The following RBPMS variants were observed in gnomAD, a reference collection of about 807,000 sequenced individuals.
The protein encoded by RBPMS is RNA-binding protein with multiple splicing.
In RBPMS, 7 loss-of-function variants were observed where a neutral mutation model predicts 26.8. The observed-to-expected ratio is 0.26, with a 90% CI of 0.15 to 0.49. The LOEUF (loss-of-function observed/expected upper bound fraction) is 0.49. Ranked by LOEUF, RBPMS falls within the 20% of genes least tolerant of loss-of-function variation. The pLI is 0.98. For missense variants in RBPMS, 186 were observed against 250.0 expected (o/e 0.74, Z 1.73); for synonymous variants, 96 against 93.3 (o/e 1.03, Z -0.17).
At chr8:30,446,815 G>C (rs1472442427) in intron 1 of RBPMS, 1 of 94,046 alleles carries the variant, frequency 1.1e-5, no homozygotes, top group Non-Finnish European at 2.0e-5. Flanking sequence ...GTGTGTGTGT[G>C]TGTGTGTGTG....
chr8:30,420,650 A>T (rs1317672463), intron 1 of RBPMS, among the ~76,000 whole-genome samples: 2 of 152,216 alleles, frequency 1.3e-5, no homozygotes, highest in African/African-American at 4.8e-5. Flanking sequence ...AATGTTGTAG[A>T]CTTTATCGGG....
intron 6 of RBPMS, among the ~76,000 whole-genome samples, chr8:30,551,719 T>G (rs971194637): frequency 6.6e-6 from 1 of 152,184 alleles, no homozygotes; most frequent in African/African-American, 2.4e-5. Flanking sequence ...ACTGTCACAG[T>G]CGGGTGCTGC....
intron 1 of RBPMS, among the ~76,000 whole-genome samples, chr8:30,472,744 C>T (rs1307793090): frequency 6.6e-6 from 1 of 152,120 alleles, no homozygotes; most frequent in East Asian, 1.9e-4. Context: ...CTTGGTGATT[C>T]GCACTTCTGT....
intron 6 of RBPMS, chr8:30,556,816 TCCCCACCTCTG>T (rs1826966517): frequency 1.0e-6 from 1 of 981,176 alleles, no homozygotes. Flanking sequence ...TTCTTTCTTC[TCCCCACCTCTG>T]CCCTCCCTCT....
chr8:30,484,472 G>GT (rs1818586660), intron 4 of RBPMS, among the ~76,000 whole-genome samples: 1 of 152,124 alleles, frequency 6.6e-6, no homozygotes, highest in Non-Finnish European at 1.5e-5. Flanking sequence ...TGAAGGAAAG[G>GT]TATTTTCTCA....
chr8:30,518,692 T>TTTTTTTTTTTC (rs2150978315), intron 5 of RBPMS, among the ~76,000 whole-genome samples: 1 of 113,168 alleles, frequency 8.8e-6, no homozygotes, highest in Non-Finnish European at 1.8e-5. Context: ...CATGACTTTT[T>TTTTTTTTTTTC]TTTTTTTTTT....
intron 5 of RBPMS, among the ~76,000 whole-genome samples, chr8:30,517,983 A>C: frequency 6.6e-6 from 1 of 152,214 alleles, no homozygotes; most frequent in Non-Finnish European, 1.5e-5. Context: ...CCCAGAAGGA[A>C]ACAGAAAGCA....
chr8:30,479,256 C>T, intron 3 of RBPMS, 59 bp from the exon 4 acceptor site: 1 of 1,256,054 alleles, frequency 8.0e-7, no homozygotes, highest in Admixed American at 1.7e-5. Flanking sequence ...TCACCCTTGA[C>T]CTAGAAAAGT....
chr8:30,457,856 G>A (rs193115585), intron 1 of RBPMS, among the ~76,000 whole-genome samples: 6 of 152,146 alleles, frequency 3.9e-5, no homozygotes, highest in Non-Finnish European at 8.8e-5. Context: ...GATTACAGGC[G>A]TGAGCCACCG....
At chr8:30,563,175 G>T (rs1563456896) in intron 7 of RBPMS, among the ~76,000 whole-genome samples, 1 of 151,088 alleles carries the variant, frequency 6.6e-6, no homozygotes, top group Admixed American at 6.6e-5. Flanking sequence ...AAGGCCATCA[G>T]GAGAGGGGGG....
At chr8:30,536,565 A>C (rs1420971642) in intron 5 of RBPMS, among the ~76,000 whole-genome samples, 1 of 152,140 alleles carries the variant, frequency 6.6e-6, no homozygotes, top group African/African-American at 2.4e-5. Context: ...CAAATAACAG[A>C]TGTATGCCAG....
At chr8:30,441,151 A>AT (rs1368483380) in intron 1 of RBPMS, among the ~76,000 whole-genome samples, 3 of 152,116 alleles carry the variant, frequency 2.0e-5, no homozygotes, top group Admixed American at 6.6e-5. Context: ...GTAACTGTCC[A>AT]TTTTTAATAT....
chr8:30,519,363 T>A (rs1347104838), intron 5 of RBPMS, among the ~76,000 whole-genome samples: 4 of 152,164 alleles, frequency 2.6e-5, no homozygotes, highest in Non-Finnish European at 5.9e-5. Flanking sequence ...CTTTTTACAA[T>A]TGAATTGGTC....
intron 5 of RBPMS, among the ~76,000 whole-genome samples, chr8:30,524,818 A>T (rs547999364): frequency 4.6e-5 from 7 of 152,204 alleles, no homozygotes; most frequent in South Asian, 2.1e-4. Flanking sequence ...GATCACATTA[A>T]TAACTTTAGA....
At chr8:30,390,915 A>G (rs923947974) in intron 1 of RBPMS, among the ~76,000 whole-genome samples, 2 of 152,188 alleles carry the variant, frequency 1.3e-5, no homozygotes, top group Non-Finnish European at 2.9e-5. Flanking sequence ...GAGGTTGGTG[A>G]TTATGAGTTT....
chr8:30,560,227 A>T (rs765901838), intron 7 of RBPMS, among the ~76,000 whole-genome samples: 1 of 152,120 alleles, frequency 6.6e-6, no homozygotes, highest in Non-Finnish European at 1.5e-5. Flanking sequence ...CACCTTCAAG[A>T]TCTGGGAGGA....
chr8:30,476,722 C>CA (rs1381856081), intron 2 of RBPMS, among the ~76,000 whole-genome samples: 1 of 152,164 alleles, frequency 6.6e-6, no homozygotes, highest in Non-Finnish European at 1.5e-5. Context: ...GTGTAGTGGT[C>CA]AATCACGTCA....
intron 5 of RBPMS, among the ~76,000 whole-genome samples, chr8:30,521,894 TAAAG>T (rs749738770): frequency 2.0e-5 from 3 of 152,160 alleles, no homozygotes; most frequent in East Asian, 3.9e-4. Flanking sequence ...TCATAATAAA[TAAAG>T]AAGATAGAAT....
At chr8:30,446,794 C>CTT in intron 1 of RBPMS, 1 of 117,372 alleles carries the variant, frequency 8.5e-6, no homozygotes, top group Non-Finnish European at 1.7e-5. Context: ...CCACACATGG[C>CTT]TTGTGTGTGT....
Sources: allele counts gnomAD v4.1 joint callset (sites outside exome capture counted in the v4.1 genomes callset), GRCh38; gene constraint gnomAD v4.1.1; transcripts MANE v1.5; gene names NCBI Gene and HGNC (gene_info 2026-07-23, HGNC 2026-07-21).